Variants in PCDH9 observed in about 807,000 individuals in gnomAD.
The protein encoded by PCDH9 is protocadherin 9, also known as protocadherin-9.
A neutral mutation model predicts 70.6 loss-of-function variants in PCDH9; 24 were observed. The ratio of observed to expected loss-of-function variants is 0.34; its 90% CI spans 0.25 to 0.48. The LOEUF is 0.48. PCDH9 is among the 20% of genes least tolerant of loss of function. The probability of loss-of-function intolerance (pLI) is 0.99; values close to 1 mark genes in which losing one functional copy is unlikely to be tolerated. For missense variants in PCDH9, 1,281 were observed against 1,503.6 expected (o/e 0.85, Z 2.45); for synonymous variants, 562 against 558.5 (o/e 1.01, Z -0.09).
chr13:66,728,411 AT>A (rs1237989856), intron 3 of PCDH9, among the ~76,000 whole-genome samples: 7 of 152,174 alleles, frequency 4.6e-5, no homozygotes, highest in African/African-American at 1.7e-4. Flanking sequence ...ATTTAAAAAA[AT>A]GTATCCGTTT....
intron 4 of PCDH9, among the ~76,000 whole-genome samples, chr13:66,523,744 A>G (rs956914757): frequency 6.6e-6 from 1 of 151,978 alleles, no homozygotes; most frequent in Non-Finnish European, 1.5e-5. Flanking sequence ...TAAAAATATG[A>G]TTACCATTAT....
chr13:66,720,721 G>A (rs1319022061), intron 3 of PCDH9, among the ~76,000 whole-genome samples: 1 of 152,062 alleles, frequency 6.6e-6, no homozygotes, highest in Non-Finnish European at 1.5e-5. Context: ...TTAATTTTCA[G>A]TTCCCAGTTA....
At chr13:66,780,065 T>C (rs1001651608) in intron 3 of PCDH9, among the ~76,000 whole-genome samples, 2 of 151,812 alleles carry the variant, frequency 1.3e-5, no homozygotes, top group African/African-American at 2.4e-5. Flanking sequence ...AATTGTACTG[T>C]GTATGGGATT....
At chr13:66,616,592 G>C (rs1338200562) in intron 4 of PCDH9, among the ~76,000 whole-genome samples, 2 of 150,174 alleles carry the variant, frequency 1.3e-5, no homozygotes, top group African/African-American at 4.9e-5. Context: ...AAGAGGAATG[G>C]GTAATGTAAA....
chr13:66,725,880 C>T (rs2078999311), intron 3 of PCDH9, among the ~76,000 whole-genome samples: 1 of 152,114 alleles, frequency 6.6e-6, no homozygotes, highest in Non-Finnish European at 1.5e-5. Context: ...GTATCATTTC[C>T]ATTATTATCA....
chr13:66,692,390 A>G (rs2078500760), intron 3 of PCDH9, among the ~76,000 whole-genome samples: 1 of 152,126 alleles, frequency 6.6e-6, no homozygotes, highest in East Asian at 1.9e-4. Flanking sequence ...TTCATCTACA[A>G]TAAGACACTC....
intron 2 of PCDH9, among the ~76,000 whole-genome samples, chr13:67,131,671 G>A (rs1361491302): frequency 6.6e-6 from 1 of 152,088 alleles, no homozygotes; most frequent in Non-Finnish European, 1.5e-5. Flanking sequence ...TTCAGAGAAT[G>A]TTTAGTAAAG....
At chr13:66,656,936 A>C (rs1315330543) in intron 3 of PCDH9, among the ~76,000 whole-genome samples, 1 of 152,188 alleles carries the variant, frequency 6.6e-6, no homozygotes, top group Non-Finnish European at 1.5e-5. Context: ...CTGAACTTTT[A>C]AAAAGGAGTA....
intron 3 of PCDH9, among the ~76,000 whole-genome samples, chr13:66,779,849 C>CTCTCTA (rs1395244975): frequency 0.05 from 3,917 of 78,880 alleles, 94 homozygotes; most frequent in East Asian, 0.087. Context: ...CTCTCTCTCT[C>CTCTCTA]TATATATATA....
chr13:66,478,717 C>G (rs897615871), intron 4 of PCDH9, among the ~76,000 whole-genome samples: 2 of 151,982 alleles, frequency 1.3e-5, no homozygotes, highest in Admixed American at 6.6e-5. Context: ...GGTGATAAGC[C>G]GCAAAAGAAA....
chr13:66,338,928 C>G (rs1956081660), intron 4 of PCDH9, among the ~76,000 whole-genome samples: 2 of 151,580 alleles, frequency 1.3e-5, no homozygotes, highest in Non-Finnish European at 1.5e-5. Flanking sequence ...TCCACAAAAC[C>G]AATTTTCACA....
intron 2 of PCDH9, among the ~76,000 whole-genome samples, chr13:66,989,039 C>A (rs1035501031): frequency 4.6e-5 from 7 of 151,990 alleles, no homozygotes; most frequent in African/African-American, 1.7e-4. Context: ...ACAACATATA[C>A]ACTAAGTGAC....
Position 66,692,599 on chromosome 13 carries a change from C to T in PCDH9, c.3139-61188G>A, listed in dbSNP as rs895515189. On this transcript the variant is annotated intron_variant, in intron 3 of 4. Coordinates refer to ENST00000377865, the MANE Select transcript of PCDH9 (RefSeq NM_203487.3). Reference sequence around the variant, plus strand: ...ACCCATATTAAGCCATAGCCATCCACTTAATTGAATTCACTTAAGCTGCTT... The same window carrying T: ...ACCCATATTAAGCCATAGCCATCCATTTAATTGAATTCACTTAAGCTGCTT... Among the ~76,000 whole-genome samples, 5 of 152,020 alleles carry T rather than the reference C, an allele frequency of 3.3e-5. No individual in the cohort carries two copies. In the South Asian group the frequency reaches 6.2e-4, roughly 19 times the overall value.
At chr13:67,183,842 A>C (rs1022644471) in intron 2 of PCDH9, among the ~76,000 whole-genome samples, 1 of 152,190 alleles carries the variant, frequency 6.6e-6, no homozygotes, top group African/African-American at 2.4e-5. Flanking sequence ...ACCTAGAAAA[A>C]TTCAAGGAAC....
intron 4 of PCDH9, among the ~76,000 whole-genome samples, chr13:66,363,249 A>G (rs1257173255): frequency 3.9e-5 from 6 of 152,172 alleles, no homozygotes; most frequent in East Asian, 3.9e-4. Flanking sequence ...GTGTGACTAA[A>G]CAAACTTCTT....
At position 66,908,607 on chromosome 13, in the gene PCDH9, A is replaced by G. The variant is rs376354407; in HGVS notation, c.3037-5002T>C. On this transcript the variant is annotated intron_variant, in intron 2 of 4. Transcript: ENST00000377865. Reference sequence around the variant, plus strand: ...TTACATCTAGAAACTAATAAAATTTATATTTTAAGTGACCAACAGTATAGA... The same window carrying G: ...TTACATCTAGAAACTAATAAAATTTGTATTTTAAGTGACCAACAGTATAGA... 3.9e-5 allele frequency among the ~76,000 whole-genome samples: 6 copies of G among 152,336 alleles called. No homozygotes were observed. In the East Asian group the frequency reaches 7.7e-4, roughly 20 times the overall value.
At chr13:66,979,640 C>A (rs1052892091) in intron 2 of PCDH9, among the ~76,000 whole-genome samples, 1 of 152,102 alleles carries the variant, frequency 6.6e-6, no homozygotes, top group Non-Finnish European at 1.5e-5. Context: ...CCTTCAAGAT[C>A]TCTACTTTCT....
rs957841695 is a variant in PCDH9, at chr13:66,901,405, G to A, written c.3138+2099C>T. ...TAAATAAGCATAAGTTGTCAATATC[G>A]TCATCATTATTTAGTATCACAGATC... On this transcript the variant is annotated intron_variant, in intron 3 of 4. Coordinates refer to ENST00000377865, the MANE Select transcript of PCDH9 (RefSeq NM_203487.3). 3.3e-5 allele frequency among the ~76,000 whole-genome samples: 5 copies of A among 151,666 alleles called. No individual in the cohort carries two copies. The East Asian group carries it at 5.8e-4, about 18-fold the overall frequency.
intron 3 of PCDH9, among the ~76,000 whole-genome samples, chr13:66,649,701 T>C (rs527406339): frequency 6.6e-6 from 1 of 152,144 alleles, no homozygotes; most frequent in Admixed American, 6.5e-5. Flanking sequence ...AAACTACTCA[T>C]TTCTTGAGTA....
Sources: gnomAD v4.1 joint callset for allele counts (sites outside exome capture counted in the v4.1 genomes callset) on GRCh38, gnomAD v4.1.1 for gene constraint, MANE v1.5 for transcripts, NCBI Gene and HGNC (gene_info 2026-07-23, HGNC 2026-07-21) for gene names.